The following SUGCT variants were observed in gnomAD, a reference collection of about 807,000 sequenced individuals.
SUGCT encodes succinyl-CoA:glutarate CoA-transferase.
Under a neutral mutation model 55.0 loss-of-function variants are expected in SUGCT, and 41 were observed. The observed-to-expected ratio is 0.74, with a 90% CI of 0.58 to 0.97. The LOEUF is 0.97. Ranked by LOEUF, SUGCT falls within the 50% of genes least tolerant of loss-of-function variation. The pLI is 0.00. For missense variants in SUGCT, 568 were observed against 547.8 expected, an observed-to-expected ratio of 1.04 and a Z score of -0.37; for synonymous variants, 187 against 200.4, an observed-to-expected ratio of 0.93 and a Z score of 0.56.
the SUGCT span, among the ~76,000 whole-genome samples, chr7:40,953,728 G>T: frequency 6.6e-6 from 1 of 152,238 alleles, no homozygotes; most frequent in Non-Finnish European, 1.5e-5. Flanking sequence ...TCCAGACCCT[G>T]TTTGCCTGGG....
At chr7:41,003,127 C>T in the SUGCT span, among the ~76,000 whole-genome samples, 6 of 152,128 alleles carry the variant, frequency 3.9e-5, no homozygotes, top group South Asian at 2.1e-4. Context: ...TAATAAATGT[C>T]GGTGCGTTTC....
At chr7:40,843,929 G>A (rs1793417874) in intron 13 of SUGCT, among the ~76,000 whole-genome samples, 1 of 152,094 alleles carries the variant, frequency 6.6e-6, no homozygotes, top group African/African-American at 2.4e-5. Context: ...TATTTCCCTT[G>A]ACCTCTTTGC....
chr7:40,899,990 G>A, the SUGCT span, among the ~76,000 whole-genome samples: 4 of 152,126 alleles, frequency 2.6e-5, no homozygotes, highest in Admixed American at 6.5e-5. Context: ...GTAGTGGGTG[G>A]GCCCTGGCCC....
the SUGCT span, among the ~76,000 whole-genome samples, chr7:40,923,695 C>T: frequency 3.3e-5 from 5 of 152,190 alleles, no homozygotes; most frequent in African/African-American, 9.6e-5. Flanking sequence ...ATATTGCCTA[C>T]ATCCTTGGCA....
At chr7:40,308,737 A>G (rs1794969989) in intron 8 of SUGCT, among the ~76,000 whole-genome samples, 1 of 152,168 alleles carries the variant, frequency 6.6e-6, no homozygotes, top group Admixed American at 6.5e-5. Context: ...TAGGCTGGGC[A>G]CAGTGACTCA....
intron 7 of SUGCT, among the ~76,000 whole-genome samples, chr7:40,260,067 A>G (rs1190365577): frequency 6.6e-6 from 1 of 152,230 alleles, no homozygotes; most frequent in African/African-American, 2.4e-5. Context: ...TCCTTAATGT[A>G]TGGGACAGGC....
At chr7:40,942,355 T>C in the SUGCT span, among the ~76,000 whole-genome samples, 1 of 152,180 alleles carries the variant, frequency 6.6e-6, no homozygotes, top group Non-Finnish European at 1.5e-5. Context: ...TATTGGCTGA[T>C]AGTTATTCCA....
At chr7:41,028,075 C>T in the SUGCT span, among the ~76,000 whole-genome samples, 3 of 152,148 alleles carry the variant, frequency 2.0e-5, no homozygotes, top group African/African-American at 7.2e-5. Flanking sequence ...CTTAGGAAGT[C>T]CTTGGTGGGT....
the SUGCT span, among the ~76,000 whole-genome samples, chr7:40,969,341 A>G: frequency 6.6e-6 from 1 of 152,166 alleles, no homozygotes; most frequent in Non-Finnish European, 1.5e-5. Flanking sequence ...GCCTATTCCA[A>G]CTGATACATT....
intron 6 of SUGCT, among the ~76,000 whole-genome samples, chr7:40,230,930 T>TA (rs908979120): frequency 6.6e-6 from 1 of 152,202 alleles, no homozygotes; most frequent in Non-Finnish European, 1.5e-5. Context: ...GGATAATTCA[T>TA]AGAGTTGTTA....
chr7:40,720,196 G>A (rs1786253988), intron 12 of SUGCT, among the ~76,000 whole-genome samples: 1 of 152,030 alleles, frequency 6.6e-6, no homozygotes. Flanking sequence ...ACATGACCTT[G>A]GTTAAGTCAC....
intron 13 of SUGCT, among the ~76,000 whole-genome samples, chr7:40,860,027 C>T (rs775963106): frequency 2.1e-4 from 32 of 152,148 alleles, no homozygotes; most frequent in Non-Finnish European, 3.2e-4. Flanking sequence ...GTCTTCATGA[C>T]GGGAACACCA....
intron 9 of SUGCT, among the ~76,000 whole-genome samples, chr7:40,418,681 C>G (rs1474604763): frequency 6.6e-6 from 1 of 152,114 alleles, no homozygotes; most frequent in East Asian, 1.9e-4. Flanking sequence ...TGCAGGGGTT[C>G]TCAGCAGGCC....
At chr7:40,788,993 C>G (rs1424946028) in intron 13 of SUGCT, among the ~76,000 whole-genome samples, 1 of 152,146 alleles carries the variant, frequency 6.6e-6, no homozygotes, top group East Asian at 1.9e-4. Flanking sequence ...TTCAAGTGAG[C>G]CAGGAGACAG....
intron 8 of SUGCT, among the ~76,000 whole-genome samples, chr7:40,283,503 A>G (rs1278081570): frequency 6.6e-6 from 1 of 152,180 alleles, no homozygotes; most frequent in Non-Finnish European, 1.5e-5. Flanking sequence ...TGCTAGGATT[A>G]CATGCATGAG....
At chr7:40,409,847 T>C (rs1427054408) in intron 9 of SUGCT, among the ~76,000 whole-genome samples, 1 of 152,144 alleles carries the variant, frequency 6.6e-6, no homozygotes, top group Admixed American at 6.6e-5. Flanking sequence ...TTGATTGGCA[T>C]TGATTTAAAT....
chr7:40,939,552 G>C, the SUGCT span, among the ~76,000 whole-genome samples: 1 of 151,840 alleles, frequency 6.6e-6, no homozygotes, highest in Non-Finnish European at 1.5e-5. Flanking sequence ...AACATCTGTT[G>C]TTTTTTGATT....
At chr7:40,779,914 A>G (rs967575739) in intron 13 of SUGCT, among the ~76,000 whole-genome samples, 3 of 152,210 alleles carry the variant, frequency 2.0e-5, no homozygotes, top group Non-Finnish European at 4.4e-5. Context: ...GTGTTCATTA[A>G]TAAACACACA....
chr7:40,459,269 G>T (rs1789661225), intron 11 of SUGCT, 71 bp downstream of exon 11: 2 of 1,026,780 alleles, frequency 1.9e-6, no homozygotes, highest in South Asian at 1.6e-5. Flanking sequence ...TGTTTTATAT[G>T]TTTTTTTCTT....
Sources: gnomAD v4.1 joint callset for allele counts (sites outside exome capture counted in the v4.1 genomes callset) on GRCh38, gnomAD v4.1.1 for gene constraint, MANE v1.5 for transcripts, NCBI Gene and HGNC (gene_info 2026-07-23, HGNC 2026-07-21) for gene names.